SNX27: variants seen among roughly 807,000 people sequenced by gnomAD.
SNX27 encodes sorting nexin-27.
SNX27 carries 22 observed loss-of-function variants against 71.6 expected under a neutral mutation model. That is an observed-to-expected ratio of 0.31 (90% CI 0.22 to 0.44). SNX27 has a LOEUF of 0.44. Among genes scored for constraint, SNX27 ranks in the 20% least tolerant of loss-of-function variants. The pLI, the probability that SNX27 is intolerant of heterozygous loss-of-function variation, is 1.00. For missense variants in SNX27, 531 were observed against 698.6 expected, an observed-to-expected ratio of 0.76 and a Z score of 2.70; for synonymous variants, 269 against 277.2, an observed-to-expected ratio of 0.97 and a Z score of 0.29.
intron 1 of SNX27, chr1:151,614,338 TC>T (rs1667335426): frequency 1.3e-5 from 2 of 152,214 alleles, no homozygotes; most frequent in Non-Finnish European, 2.9e-5. Flanking sequence ...TCTTTTTTTT[TC>T]CTTGAGATGG....
intron 2 of SNX27, among the ~76,000 whole-genome samples, chr1:151,655,561 TAC>T (rs1014288994): frequency 2.6e-5 from 4 of 152,224 alleles, no homozygotes; most frequent in African/African-American, 9.6e-5. Context: ...TCTGTTTGGG[TAC>T]CCCTCCCTGA....
intron 1 of SNX27, among the ~76,000 whole-genome samples, chr1:151,623,178 G>T (rs1667754879): frequency 6.6e-6 from 1 of 151,542 alleles, no homozygotes; most frequent in African/African-American, 2.4e-5. Flanking sequence ...GAGTCTCGCT[G>T]TCGCCCAGGC....
rs761698521 is a variant in SNX27 at position 151,662,219 on chromosome 1, A to C, written c.855A>C (p.Thr285=). Residue 285 remains threonine, a synonymous_variant, in exon 5 of 12, where the codon ACA becomes ACC. Transcript: ENST00000458013. Reference sequence around the variant, plus strand: ...TGAGAGTAGCATTACCAGATGGAACAACGGTTACAGTCAGGGTTAAAAAGA... The same window carrying C: ...TGAGAGTAGCATTACCAGATGGAACCACGGTTACAGTCAGGGTTAAAAAGA... The part of the protein sequence containing the change: ...VELRVALPDG[T]TVTVRVKKNS... 1.9e-6 allele frequency: 3 copies of C among 1,613,676 alleles called. No homozygotes were observed. Among genetic ancestry groups the C allele is most frequent in the Non-Finnish European group, 2.5e-6 (3 of 1,179,776 alleles).
chr1:151,694,501 A>C lies in SNX27; in HGVS notation c.*84A>C. On this transcript the variant is annotated 3_prime_UTR_variant, in exon 12 of 12. Coordinates refer to ENST00000458013, the MANE Select transcript of SNX27 (RefSeq NM_001330723.2). ...ATTTCAGACAGAGTAACCATTAACA[A>C]AAAAGAAGAGAAAAAGTTAAAGTCG... is the stretch of plus-strand genomic sequence containing the variant. 1 of 1,359,048 alleles carries C rather than the reference A, an allele frequency of 7.4e-7. No homozygotes were observed. Among genetic ancestry groups the C allele is most frequent in the Non-Finnish European group, 9.9e-7 (1 of 1,005,230 alleles). 84.2% of individuals were successfully genotyped at this position (1,359,048 alleles called of 1,614,324 possible).
intron 2 of SNX27, among the ~76,000 whole-genome samples, chr1:151,639,858 A>G (rs991558615): frequency 6.6e-6 from 1 of 152,106 alleles, no homozygotes; most frequent in African/African-American, 2.4e-5. Context: ...TTTGCCTTTA[A>G]TTATTTGTGG....
intron 1 of SNX27, among the ~76,000 whole-genome samples, chr1:151,628,214 C>G (rs1024209755): frequency 5.9e-5 from 9 of 152,030 alleles, no homozygotes; most frequent in African/African-American, 2.2e-4. Flanking sequence ...ACCGTATTGG[C>G]CAGGCTGGTG....
chr1:151,655,732 T>G (rs1669652122), intron 2 of SNX27, among the ~76,000 whole-genome samples: 1 of 152,222 alleles, frequency 6.6e-6, no homozygotes, highest in African/African-American at 2.4e-5. Flanking sequence ...CTGGTTGTAT[T>G]TAATGGGAGG....
intron 7 of SNX27, chr1:151,679,979 G>A (rs1368553237): frequency 1.3e-5 from 2 of 152,106 alleles, no homozygotes; most frequent in Admixed American, 6.5e-5. Context: ...TGCTTTTGTG[G>A]AATGACGCTC....
intron 10 of SNX27, 117 bp from the exon 11 acceptor site, chr1:151,693,306 AG>A (rs1422082750): frequency 5.4e-6 from 6 of 1,102,582 alleles, no homozygotes; most frequent in Admixed American, 1.9e-5. Context: ...GGTACTTGTC[AG>A]GGTTTTTCTC....
intron 2 of SNX27, among the ~76,000 whole-genome samples, chr1:151,651,428 G>C (rs923996570): frequency 5.3e-5 from 8 of 150,856 alleles, no homozygotes; most frequent in South Asian, 2.1e-4. Flanking sequence ...GGGCGGAGAC[G>C]CTCCTCACTT....
intron 2 of SNX27, among the ~76,000 whole-genome samples, chr1:151,651,034 T>G (rs1182440127): frequency 6.6e-6 from 1 of 152,092 alleles, no homozygotes; most frequent in Non-Finnish European, 1.5e-5. Context: ...ATCCGATTTC[T>G]CAATCTTTTC....
At chr1:151,658,862 T>A (rs1669824410) in intron 3 of SNX27, among the ~76,000 whole-genome samples, 1 of 152,040 alleles carries the variant, frequency 6.6e-6, no homozygotes, top group Non-Finnish European at 1.5e-5. Flanking sequence ...TTTTTGTATT[T>A]TTTAGTAGAG....
At chr1:151,679,697 A>G (rs1415906007) in intron 7 of SNX27, 1 of 152,228 alleles carries the variant, frequency 6.6e-6, no homozygotes, top group Admixed American at 6.5e-5. Context: ...TTTGCAAGAA[A>G]GGAAGTCATA....
intron 1 of SNX27, among the ~76,000 whole-genome samples, chr1:151,630,669 A>G (rs1192801954): frequency 1.3e-5 from 2 of 152,250 alleles, no homozygotes; most frequent in Non-Finnish European, 2.9e-5. Flanking sequence ...CATTGCTTAC[A>G]CATGTCTAAT....
chr1:151,688,631 C>CAAAA (rs34779390), intron 8 of SNX27, among the ~76,000 whole-genome samples: 2 of 116,848 alleles, frequency 1.7e-5, no homozygotes, highest in African/African-American at 5.9e-5. Flanking sequence ...GACTCTGTCT[C>CAAAA]AAAAAAAAAA....
At chr1:151,693,092 T>A (rs1671534929) in intron 10 of SNX27, 53 bp downstream of exon 10, 2 of 1,593,942 alleles carry the variant, frequency 1.3e-6, no homozygotes, top group Non-Finnish European at 1.7e-6. Flanking sequence ...TTTTGTTTTT[T>A]TTTTCAGCTA....
chr1:151,670,556 G>C (rs1670415800), intron 7 of SNX27, among the ~76,000 whole-genome samples: 1 of 152,110 alleles, frequency 6.6e-6, no homozygotes, highest in Non-Finnish European at 1.5e-5. Context: ...GCCAGTATTT[G>C]TTATTGCCTC....
At chr1:151,662,513 T>C (rs1257051013) in intron 5 of SNX27, 5 of 244,378 alleles carry the variant, frequency 2.0e-5, no homozygotes, top group Admixed American at 5.1e-5. Flanking sequence ...GATGGAGTGT[T>C]GCTCTGTCAC....
chr1:151,623,823 G>GA (rs940405079), intron 1 of SNX27, among the ~76,000 whole-genome samples: 13 of 149,300 alleles, frequency 8.7e-5, no homozygotes, highest in South Asian at 2.1e-4. Context: ...AGATAAAAAT[G>GA]AAAAAAAAAT....
Sources: gnomAD v4.1 joint callset for allele counts (sites outside exome capture counted in the v4.1 genomes callset) on GRCh38, gnomAD v4.1.1 for gene constraint, MANE v1.5 for transcripts, NCBI Gene and HGNC (gene_info 2026-07-23, HGNC 2026-07-21) for gene names.